The following RAMAC variants were observed in gnomAD, a reference collection of about 807,000 sequenced individuals.
RAMAC encodes RNA guanine-N7 methyltransferase activating subunit.
Under a neutral mutation model 17.9 loss-of-function variants are expected in RAMAC, and 11 were observed. The observed-to-expected ratio is 0.61, with a 90% confidence interval of 0.39 to 1.02. RAMAC has a LOEUF of 1.02. Ranked by LOEUF, RAMAC falls within the 50% of genes least tolerant of loss-of-function variation. RAMAC has a pLI of 0.01. For synonymous variants in RAMAC, 27 were observed against 48.4 expected, an observed-to-expected ratio of 0.56 and a Z score of 1.84; for missense variants, 109 against 144.0, an observed-to-expected ratio of 0.76 and a Z score of 1.25.
intron 2 of RAMAC, among the ~76,000 whole-genome samples, chr15:82,987,669 AG>A (rs1400124401): frequency 4.6e-5 from 7 of 152,320 alleles, no homozygotes; most frequent in African/African-American, 1.7e-4. Context: ...AATTTGATAT[AG>A]TTTGCCAATC....
intron 2 of RAMAC, chr15:82,988,367 C>A: frequency 6.0e-6 from 1 of 166,042 alleles, no homozygotes; most frequent in South Asian, 1.3e-4. Context: ...CATATTGTTT[C>A]TTGCAATGCA....
chr15:82,990,112 A>C lies in RAMAC; in HGVS notation c.*45A>C. 2 of 922,994 alleles carry C rather than the reference A, an allele frequency of 2.2e-6. No individual in the cohort carries two copies. The highest frequency in any genetic ancestry group is 3.0e-6 in the Non-Finnish European group (2 of 664,486). 57.2% of individuals were successfully genotyped at this position (922,994 alleles called of 1,614,324 possible). A position where few individuals can be genotyped will look rare whatever the true frequency, so the allele number is the denominator to read the frequency against. ...TAGTAAAAGCATTTACTCTGTTACC[A>C]TGAGAAAAGTTTGGGTGTCTTCTGT... On this transcript the variant is annotated 3_prime_UTR_variant, in exon 4 of 4. Coordinates refer to ENST00000304191, the MANE Select transcript of RAMAC (RefSeq NM_031452.4).
chr15:82,989,396 C>T (rs987304764), intron 3 of RAMAC, among the ~76,000 whole-genome samples: 4 of 152,180 alleles, frequency 2.6e-5, no homozygotes, highest in Admixed American at 6.5e-5. Context: ...TGTTCAAGTG[C>T]GTGTGTTTTT....
rs535925629 is a variant in RAMAC at position 82,987,394 on chromosome 15, G to A, written c.-10+10G>A. The A allele has an allele frequency of 6.6e-6, 1 of 152,312 alleles. No homozygotes were observed. Among genetic ancestry groups the A allele is most frequent in the South Asian group, 2.1e-4 (1 of 4,830 alleles). 9.4% of individuals were successfully genotyped at this position (152,312 alleles called of 1,614,324 possible). A position where few individuals can be genotyped will look rare whatever the true frequency, so the allele number is the denominator to read the frequency against. On this transcript the variant is annotated intron_variant, in intron 2 of 3. Transcript: ENST00000304191. Reference sequence around the variant, plus strand: ...GCCTCAAACCTTTGGGGTAAGTAAAGCTTGGGTCGATTAACATTCTATTTA... The same window carrying A: ...GCCTCAAACCTTTGGGGTAAGTAAAACTTGGGTCGATTAACATTCTATTTA...
Position 82,989,142 on chromosome 15 carries a change from G to A in RAMAC, c.124G>A (p.Glu42Lys), listed in dbSNP as rs1482888527. 7 of 1,613,776 alleles carry A rather than the reference G, an allele frequency of 4.3e-6. No homozygotes were observed. Among genetic ancestry groups the A allele is most frequent in the Non-Finnish European group, 5.9e-6 (7 of 1,179,842 alleles). The stretch of plus-strand genomic sequence containing the variant: ...TCCTGAGTCTCCTCCAATTGTTGAG[G>A]AATGGAATAGCAGAGCTGGTGGGAA... Reference protein sequence around the residue: ...RPPESPPIVEEWNSRAGGNQR... With the variant: ...RPPESPPIVEKWNSRAGGNQR... Residue 42 changes from glutamate to lysine, a missense_variant, in exon 3 of 4, where the codon GAA becomes AAA. By Grantham distance (56) the Glu-to-Lys change is moderately conservative. Transcript: ENST00000304191.
rs374983376 is a variant in RAMAC, at chr15:82,988,729, G to A, written c.-9-281G>A. The A allele has an allele frequency of 5.4e-3, 2,485 of 458,594 alleles. 63 individuals are homozygous for A. Among genetic ancestry groups the A allele is most frequent in the South Asian group, 0.041 (2,427 of 58,772 alleles). 28.4% of individuals were successfully genotyped at this position (458,594 alleles called of 1,614,324 possible). On this transcript the variant is annotated intron_variant, in intron 2 of 3. Transcript: ENST00000304191. ...TGCACCTGTAGTTCCAGCAACTTGG[G>A]AGGCTGAGGTGGGAGGATTGTTTGA...
intron 3 of RAMAC, 33 bp downstream of exon 3, chr15:82,989,221 G>C: frequency 6.2e-7 from 1 of 1,604,914 alleles, no homozygotes; most frequent in Non-Finnish European, 8.5e-7. Flanking sequence ...GCAGATAGTT[G>C]ATCTGGCAGA....
intron 2 of RAMAC, among the ~76,000 whole-genome samples, 193 bp downstream of exon 2, chr15:82,987,577 G>T (rs2151269031): frequency 6.6e-6 from 1 of 152,218 alleles, no homozygotes; most frequent in South Asian, 2.1e-4. Flanking sequence ...CATCTTTTTA[G>T]TGATTTCTGT....
In RAMAC at chr15:82,990,896, A is replaced by G; in HGVS notation, c.*829A>G. ...ATGTGGGCTGATTTTACAATGTTAT[A>G]TTCACTTCCAGATGCATACCTCTGC... is the stretch of plus-strand genomic sequence containing the variant. On this transcript the variant is annotated 3_prime_UTR_variant, in exon 4 of 4. Transcript: ENST00000304191. 1 of 430,286 alleles carries G rather than the reference A, an allele frequency of 2.3e-6. No homozygotes were observed. 26.7% of individuals were successfully genotyped at this position (430,286 alleles called of 1,614,324 possible).
chr15:82,989,292 T>G, intron 3 of RAMAC, 104 bp downstream of exon 3: 2 of 1,136,978 alleles, frequency 1.8e-6, no homozygotes, highest in Non-Finnish European at 2.5e-6. Context: ...GTTTTTGGTA[T>G]GGCATACCTA....
At chr15:82,987,055 C>A (rs1054411755) in intron 1 of RAMAC, among the ~76,000 whole-genome samples, 1 of 152,078 alleles carries the variant, frequency 6.6e-6, no homozygotes, top group African/African-American at 2.4e-5. Context: ...GTAGCTGGGA[C>A]TACAGGCACA....
rs1439195279 is a variant in RAMAC at position 82,990,392 on chromosome 15, CT to C, written c.*329del. The C allele has an allele frequency of 7.9e-5, 28 of 352,696 alleles. No homozygotes were observed. The African/African-American group carries it at 8.7e-4, about 11-fold the overall frequency. The allele number at this position is 352,696 out of a possible 1,614,324, so 21.8% of individuals were successfully genotyped here. A position where few individuals can be genotyped will look rare whatever the true frequency, so the allele number is the denominator to read the frequency against. On this transcript the variant is annotated 3_prime_UTR_variant, in exon 4 of 4. Transcript: ENST00000304191. ...AATAAAAATTTTAAAATAGAAAATGCTTTTACTTTGTAAGGTAAGAGAGTAT... is the reference window on the plus strand; with the variant it reads ...AATAAAAATTTTAAAATAGAAAATGCTTTACTTTGTAAGGTAAGAGAGTAT...
intron 3 of RAMAC, among the ~76,000 whole-genome samples, chr15:82,989,467 T>TA (rs1400315787): frequency 1.3e-5 from 2 of 152,268 alleles, no homozygotes; most frequent in Non-Finnish European, 2.9e-5. Context: ...TTTAAAAACC[T>TA]AGAGTTTTCT....
Position 82,990,546 on chromosome 15 carries a change from T to TTA in RAMAC, c.*480_*481insAT. ...CAGTTGAAAGGTAAAACAATTGCTT[T>TTA]TTTTTTTTTTTGCATTTGTTAAGTG... On this transcript the variant is annotated 3_prime_UTR_variant, in exon 4 of 4. Coordinates refer to ENST00000304191, the MANE Select transcript of RAMAC (RefSeq NM_031452.4). The TTA allele has an allele frequency of 1.1e-6, 1 of 903,398 alleles. No homozygotes were observed. Among genetic ancestry groups the TTA allele is most frequent in the South Asian group, 1.8e-5 (1 of 55,626 alleles). 56.0% of individuals were successfully genotyped at this position (903,398 alleles called of 1,614,324 possible). A position where few individuals can be genotyped will look rare whatever the true frequency, so the allele number is the denominator to read the frequency against.
rs777302910 is a variant in RAMAC at position 82,989,191 on chromosome 15, G to T, written c.170+3G>T. Reference sequence around the variant, plus strand: ...AACCAAAGAAACAGAGGCAATCGGTGTGTATTCAAAAGAATAAATGCAGAT... The same window carrying T: ...AACCAAAGAAACAGAGGCAATCGGTTTGTATTCAAAAGAATAAATGCAGAT... On this transcript the variant is annotated splice_donor_region_variant and intron_variant, in intron 3 of 3. Coordinates refer to ENST00000304191, the MANE Select transcript of RAMAC (RefSeq NM_031452.4). 1 of 1,611,898 alleles carries T rather than the reference G, an allele frequency of 6.2e-7. No individual in the cohort carries two copies. The highest frequency in any genetic ancestry group is 1.1e-5 in the South Asian group (1 of 90,548).
In RAMAC at chr15:82,989,171, A is replaced by G. The variant is rs1202855544; in HGVS notation, c.153A>G (p.Gln51=). Residue 51 remains glutamine, a synonymous_variant, in exon 3 of 4, where the codon CAA becomes CAG. Transcript: ENST00000304191. ...GGAATAGCAGAGCTGGTGGGAACCA[A>G]AGAAACAGAGGCAATCGGTGTGTAT... ...EEWNSRAGGN[Q]RNRGNRLQDN... is the part of the protein sequence containing the mutation. 3 of 1,612,694 alleles carry G rather than the reference A, an allele frequency of 1.9e-6. No homozygotes were observed. The highest frequency in any genetic ancestry group is 2.5e-6 in the Non-Finnish European group (3 of 1,179,616).
At chr15:82,987,046 T>C (rs777689170) in intron 1 of RAMAC, among the ~76,000 whole-genome samples, 14 of 152,054 alleles carry the variant, frequency 9.2e-5, no homozygotes, top group Admixed American at 2.6e-4. Context: ...GCCTCCCGAG[T>C]AGCTGGGACT....
chr15:82,989,921 T>A lies in RAMAC; in HGVS notation c.211T>A (p.Trp71Arg). 6.2e-7 allele frequency: 1 copy of A among 1,612,596 alleles called. No homozygotes were observed. Among genetic ancestry groups the A allele is most frequent in the Non-Finnish European group, 8.5e-7 (1 of 1,179,528 alleles). ...ACAGTTCAGAGGCAGGGACAACAGATGGGGGTGGCCAAGTGACAATCGATC... is the reference window on the plus strand; with the variant it reads ...ACAGTTCAGAGGCAGGGACAACAGAAGGGGGTGGCCAAGTGACAATCGATC... ...NRQFRGRDNR[W>R]GWPSDNRSNQ... The change falls in exon 4 of 4, where the codon TGG (tryptophan) becomes AGG (arginine). Residue 71 changes from tryptophan to arginine, a missense_variant. Transcript: ENST00000304191.
intron 2 of RAMAC, among the ~76,000 whole-genome samples, chr15:82,988,288 C>A (rs987758047): frequency 2.0e-5 from 3 of 152,152 alleles, no homozygotes; most frequent in Non-Finnish European, 4.4e-5. Flanking sequence ...TGAGATCGCG[C>A]CATTGCACTC....
Sources: allele counts gnomAD v4.1 joint callset (sites outside exome capture counted in the v4.1 genomes callset), GRCh38; gene constraint gnomAD v4.1.1; transcripts MANE v1.5; gene names NCBI Gene and HGNC (gene_info 2026-07-23, HGNC 2026-07-21).